ARSB: variants seen among roughly 807,000 people sequenced by gnomAD.
ARSB encodes the protein N-acetylgalactosamine-4-sulfatase.
A neutral mutation model predicts 50.9 loss-of-function variants in ARSB; 41 were observed. The ratio of observed to expected loss-of-function variants is 0.81; its 90% confidence interval spans 0.63 to 1.04. The LOEUF (loss-of-function observed/expected upper bound fraction) is 1.04. ARSB is among the 50% of genes least tolerant of loss of function. The pLI is 0.00. For synonymous variants in ARSB, 269 were observed against 284.8 expected, an observed-to-expected ratio of 0.94 and a Z score of 0.56; for missense variants, 672 against 693.3, an observed-to-expected ratio of 0.97 and a Z score of 0.35.
chr5:78,972,544 C>CACAA (rs1554088554), intron 1 of ARSB, among the ~76,000 whole-genome samples: 1 of 147,524 alleles, frequency 6.8e-6, no homozygotes. Context: ...CACACACACA[C>CACAA]CCCAAATCAA....
intron 5 of ARSB, among the ~76,000 whole-genome samples, chr5:78,881,346 G>C (rs554535821): frequency 1.3e-5 from 2 of 151,662 alleles, no homozygotes; most frequent in East Asian, 3.9e-4. Flanking sequence ...GAACAAAAAA[G>C]CAAGAGAAAA....
At chr5:78,792,030 T>TAA (rs151297473) in intron 6 of ARSB, among the ~76,000 whole-genome samples, 71 of 143,522 alleles carry the variant, frequency 4.9e-4, no homozygotes, top group Middle Eastern at 3.6e-3. Context: ...GCTGATGAGC[T>TAA]AAAAAAAAAA....
Position 78,950,974 on chromosome 5 carries a change from G to A in ARSB, c.898+4321C>T, listed in dbSNP as rs185544461. Among the ~76,000 whole-genome samples the A allele has an allele frequency of 1.2e-4, 19 of 152,298 alleles. No homozygotes were observed. The East Asian group carries it at 1.7e-3, about 14-fold the overall frequency. On this transcript the variant is annotated intron_variant, in intron 4 of 7. Transcript: ENST00000264914. ...TGCAGTACAATGGGATGAAATAAAT[G>A]GAAAAGAAAATGAGATGCAAAAAGA...
intron 4 of ARSB, among the ~76,000 whole-genome samples, chr5:78,915,228 C>G (rs1013923932): frequency 6.6e-6 from 1 of 151,988 alleles, no homozygotes; most frequent in Admixed American, 6.6e-5. Context: ...ATTACTTGAC[C>G]AAGAACTACT....
At chr5:78,914,901 G>A (rs1749472580) in intron 4 of ARSB, among the ~76,000 whole-genome samples, 1 of 152,004 alleles carries the variant, frequency 6.6e-6, no homozygotes. Context: ...TCTGGCTCAA[G>A]TGACCTGCCT....
At chr5:78,842,582 T>A (rs1372757498) in intron 5 of ARSB, among the ~76,000 whole-genome samples, 1 of 152,162 alleles carries the variant, frequency 6.6e-6, no homozygotes, top group Non-Finnish European at 1.5e-5. Context: ...AAACTTTCTC[T>A]TTATAAATTC....
chr5:78,865,369 T>A (rs1324856880), intron 5 of ARSB, among the ~76,000 whole-genome samples: 1 of 152,178 alleles, frequency 6.6e-6, no homozygotes, highest in African/African-American at 2.4e-5. Context: ...CATTGGCCCC[T>A]TTTGGCCATG....
At chr5:78,854,570 G>T (rs1441483062) in intron 5 of ARSB, among the ~76,000 whole-genome samples, 1 of 152,140 alleles carries the variant, frequency 6.6e-6, no homozygotes, top group Admixed American at 6.5e-5. Flanking sequence ...ATTTCATTGT[G>T]GTCAGGAAAG....
intron 6 of ARSB, among the ~76,000 whole-genome samples, chr5:78,786,905 C>T (rs981387212): frequency 4.7e-5 from 7 of 150,294 alleles, no homozygotes; most frequent in Non-Finnish European, 1.0e-4. Flanking sequence ...CCATACCCAC[C>T]CAATTTCATC....
intron 5 of ARSB, among the ~76,000 whole-genome samples, chr5:78,850,346 T>C (rs1454121740): frequency 6.6e-6 from 1 of 152,356 alleles, no homozygotes; most frequent in Middle Eastern, 3.4e-3. Context: ...GTTCTGGTTA[T>C]ATGCTGGATT....
intron 4 of ARSB, among the ~76,000 whole-genome samples, chr5:78,936,927 A>AT (rs1170366965): frequency 1.3e-5 from 2 of 152,216 alleles, no homozygotes; most frequent in South Asian, 2.1e-4. Flanking sequence ...AAGTAAATGC[A>AT]TTTTTTTAGC....
chr5:78,892,248 CTTTTTTTTTTT>C (rs34960858), intron 4 of ARSB, among the ~76,000 whole-genome samples: 3 of 87,226 alleles, frequency 3.4e-5, no homozygotes, highest in African/African-American at 1.6e-4. Flanking sequence ...ATTCTCTATT[CTTTTTTTTTTT>C]TTTTTTTTTT....
rs1412683149 is a variant in ARSB at position 78,780,653 on chromosome 5, T to A, written c.1346A>T (p.Tyr449Phe). The change falls in exon 8 of 8, where the codon TAC (tyrosine) becomes TTC (phenylalanine). Residue 449 changes from tyrosine to phenylalanine, a missense_variant. By Grantham distance (22) the Tyr-to-Phe change is conservative. Coordinates refer to ENST00000264914, the MANE Select transcript of ARSB (RefSeq NM_000046.5). Reference sequence around the variant, plus strand: ...GTATTGAGACGGTGGAGGGAACCAGTAACCACAGCCTAGCAAAGAAAACAA... The same window carrying A: ...GTATTGAGACGGTGGAGGGAACCAGAAACCACAGCCTAGCAAAGAAAACAA... ...KLLTGYPGCG[Y>F]WFPPPSQYNV... is the part of the protein sequence containing the mutation. 2 of 1,613,956 alleles carry A rather than the reference T, an allele frequency of 1.2e-6. No homozygotes were observed. The highest frequency in any genetic ancestry group is 4.5e-5 in the East Asian group (2 of 44,896).
intron 6 of ARSB, among the ~76,000 whole-genome samples, chr5:78,789,168 T>C (rs1441664733): frequency 1.3e-5 from 2 of 152,252 alleles, no homozygotes; most frequent in Non-Finnish European, 2.9e-5. Flanking sequence ...GTATTTTTCA[T>C]AACAATGCAA....
At chr5:78,809,936 C>A (rs981470143) in intron 6 of ARSB, among the ~76,000 whole-genome samples, 24 of 152,210 alleles carry the variant, frequency 1.6e-4, no homozygotes, top group Non-Finnish European at 4.4e-5. Context: ...GTAGACTGCA[C>A]AAGCAGGACC....
At chr5:78,917,733 G>A (rs531502866) in intron 4 of ARSB, among the ~76,000 whole-genome samples, 5 of 152,222 alleles carry the variant, frequency 3.3e-5, no homozygotes, top group Middle Eastern at 3.4e-3. Flanking sequence ...GGCTGGTCTC[G>A]AATTCCTAAC....
At chr5:78,959,373 A>G (rs1214058733) in intron 3 of ARSB, among the ~76,000 whole-genome samples, 2 of 150,924 alleles carry the variant, frequency 1.3e-5, no homozygotes, top group Non-Finnish European at 3.0e-5. Context: ...CCCTCAGCTC[A>G]CTGGAGGGCC....
chr5:78,845,744 G>A (rs1477255243), intron 5 of ARSB, among the ~76,000 whole-genome samples: 2 of 151,992 alleles, frequency 1.3e-5, no homozygotes. Flanking sequence ...GGGTTTTTCT[G>A]TTGAATTGTT....
intron 5 of ARSB, among the ~76,000 whole-genome samples, chr5:78,866,734 A>G (rs559452815): frequency 1.3e-5 from 2 of 152,204 alleles, no homozygotes; most frequent in Non-Finnish European, 2.9e-5. Flanking sequence ...AAGGAAGGAC[A>G]TGGCCAAAGA....
Sources: allele counts gnomAD v4.1 joint callset (sites outside exome capture counted in the v4.1 genomes callset), GRCh38; gene constraint gnomAD v4.1.1; transcripts MANE v1.5; gene names NCBI Gene and HGNC (gene_info 2026-07-23, HGNC 2026-07-21).